MAPKAP1: variants seen among roughly 807,000 people sequenced by gnomAD.
The protein encoded by MAPKAP1 is MAPK associated protein 1.
Under a neutral mutation model 65.7 loss-of-function variants are expected in MAPKAP1, and 20 were observed. That is an observed-to-expected ratio of 0.30 (90% CI 0.21 to 0.44). MAPKAP1 has a LOEUF of 0.44. Ranked by LOEUF, MAPKAP1 falls within the 20% of genes least tolerant of loss-of-function variation. MAPKAP1 has a pLI of 1.00. For synonymous variants in MAPKAP1, 222 were observed against 244.3 expected (o/e 0.91, Z 0.85); for missense variants, 423 against 648.0 (o/e 0.65, Z 3.77).
chr9:125,598,237 T>C (rs534980221), intron 4 of MAPKAP1, among the ~76,000 whole-genome samples: 23 of 152,146 alleles, frequency 1.5e-4, no homozygotes, highest in Non-Finnish European at 3.4e-4. Context: ...CATTCAGAGA[T>C]AGGGGCTTGG....
intron 1 of MAPKAP1, among the ~76,000 whole-genome samples, chr9:125,678,532 G>A (rs947981391): frequency 7.2e-5 from 11 of 152,146 alleles, no homozygotes; most frequent in African/African-American, 7.2e-5. Context: ...GTGAGCCACC[G>A]CGCCCGGCCC....
chr9:125,458,056 C>G (rs188388552), intron 10 of MAPKAP1, among the ~76,000 whole-genome samples: 252 of 152,334 alleles, frequency 1.7e-3, no homozygotes, highest in African/African-American at 5.5e-3. Context: ...GATCATCAGT[C>G]TCACCTCTTT....
intron 4 of MAPKAP1, among the ~76,000 whole-genome samples, chr9:125,629,911 C>T (rs916306573): frequency 6.6e-6 from 1 of 152,116 alleles, no homozygotes; most frequent in Non-Finnish European, 1.5e-5. Context: ...ATAAATGTGG[C>T]TTTTGTAAAC....
At chr9:125,512,178 C>T (rs545675538) in intron 7 of MAPKAP1, among the ~76,000 whole-genome samples, 1 of 152,350 alleles carries the variant, frequency 6.6e-6, no homozygotes, top group African/African-American at 2.4e-5. Context: ...TCTTTAACAG[C>T]TGCTAGCTAG....
intron 1 of MAPKAP1, among the ~76,000 whole-genome samples, chr9:125,688,560 A>G (rs184102743): frequency 6.6e-6 from 1 of 152,254 alleles, no homozygotes; most frequent in East Asian, 1.9e-4. Flanking sequence ...TACAATTTAA[A>G]TCGAATAATC....
chr9:125,691,608 A>C (rs1348786258), intron 1 of MAPKAP1, among the ~76,000 whole-genome samples: 1 of 152,186 alleles, frequency 6.6e-6, no homozygotes, highest in Admixed American at 6.6e-5. Flanking sequence ...TAAGAAGAAC[A>C]GTAACCTAGG....
At chr9:125,532,010 A>G (rs533265451) in intron 7 of MAPKAP1, among the ~76,000 whole-genome samples, 1 of 152,332 alleles carries the variant, frequency 6.6e-6, no homozygotes, top group South Asian at 2.1e-4. Flanking sequence ...GTCAATATAT[A>G]GATTCCCAAT....
At chr9:125,470,217 T>C (rs1025199670) in intron 9 of MAPKAP1, among the ~76,000 whole-genome samples, 1 of 152,194 alleles carries the variant, frequency 6.6e-6, no homozygotes, top group Non-Finnish European at 1.5e-5. Flanking sequence ...TATAAAACTG[T>C]TCCAGATGAA....
rs149122740 is a variant in MAPKAP1, at chr9:125,645,208, C to T, written c.498+12443G>A. On this transcript the variant is annotated intron_variant, in intron 4 of 11. Coordinates refer to ENST00000265960, the MANE Select transcript of MAPKAP1 (RefSeq NM_001006617.3). ...CTGCCCAGGCAGAGAGAAATACAAG[C>T]CCCCTAGCTTTGCAGAAGAGCTACA... is the stretch of plus-strand genomic sequence containing the variant. 4.1e-3 allele frequency among the ~76,000 whole-genome samples: 620 copies of T among 152,250 alleles called. 6 individuals carry two copies. Among genetic ancestry groups the T allele is most frequent in the African/African-American group, 0.014 (585 of 41,556 alleles).
At chr9:125,529,093 G>C (rs2133134003) in intron 7 of MAPKAP1, among the ~76,000 whole-genome samples, 1 of 148,790 alleles carries the variant, frequency 6.7e-6, no homozygotes, top group Non-Finnish European at 1.5e-5. Flanking sequence ...AGAATCCCTT[G>C]AACCTGGAAG....
chr9:125,592,800 GGCT>G (rs915626744), intron 4 of MAPKAP1, among the ~76,000 whole-genome samples: 6 of 152,044 alleles, frequency 3.9e-5, no homozygotes, highest in Non-Finnish European at 5.9e-5. Flanking sequence ...CTACTCAGGA[GGCT>G]GAGGCAGGAG....
At chr9:125,462,252 CCA>C (rs1256771494) in intron 10 of MAPKAP1, among the ~76,000 whole-genome samples, 2 of 152,226 alleles carry the variant, frequency 1.3e-5, no homozygotes, top group African/African-American at 2.4e-5. Flanking sequence ...AATCCTTCAG[CCA>C]CAGTCTCCCT....
chr9:125,619,956 C>A (rs936704363), intron 4 of MAPKAP1, among the ~76,000 whole-genome samples: 3 of 152,104 alleles, frequency 2.0e-5, no homozygotes, highest in Admixed American at 1.3e-4. Context: ...ATACCCCTGT[C>A]AAGATTCTTA....
chr9:125,706,629 C>G (rs893449937), intron 1 of MAPKAP1, among the ~76,000 whole-genome samples: 12 of 152,078 alleles, frequency 7.9e-5, no homozygotes, highest in African/African-American at 2.4e-4. Context: ...AAGGACCACA[C>G]AGTCAATGCT....
chr9:125,660,193 C>T (rs941480246), intron 3 of MAPKAP1, among the ~76,000 whole-genome samples: 9 of 152,150 alleles, frequency 5.9e-5, no homozygotes, highest in East Asian at 1.9e-4. Context: ...CTCATCCAGT[C>T]GTATGCTTTT....
At chr9:125,509,898 C>T (rs1049734208) in intron 7 of MAPKAP1, among the ~76,000 whole-genome samples, 1 of 152,174 alleles carries the variant, frequency 6.6e-6, no homozygotes, top group Non-Finnish European at 1.5e-5. Context: ...CTCCCTGCCC[C>T]ACTCTCAAAG....
intron 9 of MAPKAP1, among the ~76,000 whole-genome samples, chr9:125,476,051 A>G (rs1345273586): frequency 6.6e-6 from 1 of 152,192 alleles, no homozygotes; most frequent in African/African-American, 2.4e-5. Flanking sequence ...CATTGTCATT[A>G]ATAACCCTGG....
chr9:125,650,337 TAA>T (rs1833858188), intron 4 of MAPKAP1: 1 of 152,250 alleles, frequency 6.6e-6, no homozygotes, highest in Non-Finnish European at 1.5e-5. Flanking sequence ...GCCATGAGGT[TAA>T]AGAGAACACC....
intron 1 of MAPKAP1, among the ~76,000 whole-genome samples, chr9:125,685,879 G>A (rs1834959415): frequency 6.6e-6 from 1 of 152,114 alleles, no homozygotes; most frequent in Non-Finnish European, 1.5e-5. Context: ...CCATGCTGCT[G>A]GTTTAATAGA....
Sources: allele counts gnomAD v4.1 joint callset (sites outside exome capture counted in the v4.1 genomes callset), GRCh38; gene constraint gnomAD v4.1.1; transcripts MANE v1.5; gene names NCBI Gene and HGNC (gene_info 2026-07-23, HGNC 2026-07-21).